The following HAUS6 variants were observed in gnomAD, a reference collection of about 807,000 sequenced individuals.
HAUS6 encodes the protein HAUS augmin like complex subunit 6.
HAUS6 carries 80 observed loss-of-function variants against 106.8 expected under a neutral mutation model. The observed-to-expected ratio is 0.75, with a 90% confidence interval of 0.63 to 0.90. The LOEUF is 0.90. Among genes scored for constraint, HAUS6 ranks in the 40% least tolerant of loss-of-function variants. The pLI is 0.00. For synonymous variants in HAUS6, 356 were observed against 379.1 expected, an observed-to-expected ratio of 0.94 and a Z score of 0.71; for missense variants, 1,155 against 1,118.1, an observed-to-expected ratio of 1.03 and a Z score of -0.47.
chr9:19,066,873 GGT>G (rs1348037361), intron 12 of HAUS6, among the ~76,000 whole-genome samples: 1 of 151,290 alleles, frequency 6.6e-6, no homozygotes, highest in Non-Finnish European at 1.5e-5. Context: ...TGGGTGTGGA[GGT>G]GCATGCCTGC....
intron 12 of HAUS6, chr9:19,065,052 T>G (rs1048386321): frequency 1.3e-5 from 2 of 152,252 alleles, no homozygotes; most frequent in Non-Finnish European, 2.9e-5. Flanking sequence ...TTTGATGGAT[T>G]GATGGAATCG....
intron 1 of HAUS6, among the ~76,000 whole-genome samples, chr9:19,098,738 T>C (rs199971210): frequency 6.8e-6 from 1 of 146,850 alleles, no homozygotes; most frequent in Non-Finnish European, 1.5e-5. Context: ...TTAAAAAAAG[T>C]GGAGCCGGGC....
intron 1 of HAUS6, among the ~76,000 whole-genome samples, chr9:19,100,472 T>C (rs894911580): frequency 1.1e-4 from 17 of 152,250 alleles, no homozygotes; most frequent in African/African-American, 3.6e-4. Context: ...GGAATGCTTG[T>C]ACTTTGTTGG....
At chr9:19,065,146 GAAC>G (rs1302299495) in intron 12 of HAUS6, 2 of 152,186 alleles carry the variant, frequency 1.3e-5, no homozygotes, top group African/African-American at 4.8e-5. Context: ...TTATAGCAGA[GAAC>G]AATGGAAACA....
At chr9:19,100,298 G>A (rs1817960732) in intron 1 of HAUS6, among the ~76,000 whole-genome samples, 1 of 152,230 alleles carries the variant, frequency 6.6e-6, no homozygotes, top group Admixed American at 6.5e-5. Flanking sequence ...CCCAGGAGAT[G>A]GAGGCTGCAG....
intron 2 of HAUS6, among the ~76,000 whole-genome samples, 179 bp from the exon 3 acceptor site, chr9:19,094,574 T>C (rs1186713366): frequency 6.6e-6 from 1 of 152,124 alleles, no homozygotes; most frequent in African/African-American, 2.4e-5. Flanking sequence ...GACAGATCAC[T>C]TGAGGCCAGG....
chr9:19,097,257 A>C (rs1374384025), intron 1 of HAUS6, among the ~76,000 whole-genome samples: 2 of 152,194 alleles, frequency 1.3e-5, no homozygotes, highest in East Asian at 1.9e-4. Context: ...AATGGGATCT[A>C]ATTAAACTAA....
At chr9:19,092,021 C>T (rs1446487219) in intron 4 of HAUS6, among the ~76,000 whole-genome samples, 1 of 152,040 alleles carries the variant, frequency 6.6e-6, no homozygotes, top group East Asian at 1.9e-4. Flanking sequence ...AATTTTCAAC[C>T]TCACTAATAA....
intron 11 of HAUS6, among the ~76,000 whole-genome samples, chr9:19,075,729 G>A (rs1285611624): frequency 1.3e-5 from 2 of 151,148 alleles, no homozygotes; most frequent in African/African-American, 4.9e-5. Flanking sequence ...CAAGGCGGGC[G>A]GATCATTCGA....
chr9:19,093,739 C>T (rs1817803703), intron 3 of HAUS6, among the ~76,000 whole-genome samples: 1 of 152,040 alleles, frequency 6.6e-6, no homozygotes, highest in African/African-American at 2.4e-5. Context: ...CATGGTAGTA[C>T]ATGGCTGTAA....
chr9:19,059,937 T>C (rs1429665525), intron 15 of HAUS6, 151 bp downstream of exon 15: 2 of 552,972 alleles, frequency 3.6e-6, no homozygotes, highest in Non-Finnish European at 6.4e-6. Flanking sequence ...TAAAAGACTG[T>C]TATGTGAGAA....
chr9:19,080,174 CA>C (rs746423003), intron 9 of HAUS6, among the ~76,000 whole-genome samples: 1,153 of 37,504 alleles, frequency 0.031, 2 homozygotes, highest in African/African-American at 0.073. Flanking sequence ...AACTCCGTCT[CA>C]AAAAAAAAAA....
chr9:19,064,823 A>T (rs1049417182), intron 12 of HAUS6, among the ~76,000 whole-genome samples: 1 of 152,232 alleles, frequency 6.6e-6, no homozygotes, highest in African/African-American at 2.4e-5. Context: ...AATATAATCC[A>T]GATATCAAAG....
rs1207707848 is a variant in HAUS6, at chr9:19,076,587, A to T, written c.1294+15T>A. ...AAGGAGGTTTCAAAGAGAAAAAAATAAATAAATAACCAACCTGGAAGTGAA... is the reference window on the plus strand; with the variant it reads ...AAGGAGGTTTCAAAGAGAAAAAAATTAATAAATAACCAACCTGGAAGTGAA... On this transcript the variant is annotated intron_variant, in intron 11 of 16. Coordinates refer to ENST00000380502, the MANE Select transcript of HAUS6 (RefSeq NM_017645.5). 1.6e-6 allele frequency: 2 copies of T among 1,220,218 alleles called. No homozygotes were observed. The highest frequency in any genetic ancestry group is 1.5e-5 in the African/African-American group (1 of 67,014). The allele number at this position is 1,220,218 out of a possible 1,614,324, so 75.6% of individuals were successfully genotyped here.
At chr9:19,082,431 A>G (rs1837176698) in intron 8 of HAUS6, among the ~76,000 whole-genome samples, 1 of 132,078 alleles carries the variant, frequency 7.6e-6, no homozygotes. Flanking sequence ...ACTCCTTATG[A>G]AAGTTTTACT....
At chr9:19,073,335 G>A (rs1296951015) in intron 11 of HAUS6, among the ~76,000 whole-genome samples, 1 of 151,826 alleles carries the variant, frequency 6.6e-6, no homozygotes, top group African/African-American at 2.4e-5. Flanking sequence ...GATGCAATAT[G>A]TAAGGTATAG....
intron 11 of HAUS6, chr9:19,073,983 C>T (rs914674340): frequency 1.3e-5 from 2 of 152,160 alleles, no homozygotes; most frequent in Non-Finnish European, 2.9e-5. Flanking sequence ...TACGGTGGCT[C>T]ACACCTGTAA....
chr9:19,102,749 G>C lies in HAUS6; in HGVS notation c.-98C>G, dbSNP rs1818019645. On this transcript the variant is annotated 5_prime_UTR_variant, in exon 1 of 17. Coordinates refer to ENST00000380502, the MANE Select transcript of HAUS6 (RefSeq NM_017645.5). Reference sequence around the variant, plus strand: ...CTCCCTACGGTCAGCCTGAGGTCGCGGTGGTCCTTCCATTGCCAACGCCTG... The same window carrying C: ...CTCCCTACGGTCAGCCTGAGGTCGCCGTGGTCCTTCCATTGCCAACGCCTG... The C allele has an allele frequency of 5.5e-6, 7 of 1,269,492 alleles. No homozygotes were observed. Among genetic ancestry groups the C allele is most frequent in the Non-Finnish European group, 7.6e-6 (7 of 923,820 alleles). The allele number at this position is 1,269,492 out of a possible 1,614,324, so 78.6% of individuals were successfully genotyped here.
Position 19,102,802 on chromosome 9 carries a change from C to T in HAUS6, c.-151G>A. On this transcript the variant is annotated 5_prime_UTR_variant, in exon 1 of 17. Transcript: ENST00000380502. ...CCTTTCACGCCCAGAGCGATTTCGC[C>T]TCAAAGGGCCTCACAACCTCCGGGA... The T allele has an allele frequency of 1.5e-6, 1 of 673,732 alleles. No individual in the cohort carries two copies. 41.7% of individuals were successfully genotyped at this position (673,732 alleles called of 1,614,324 possible). A position where few individuals can be genotyped will look rare whatever the true frequency, so the allele number is the denominator to read the frequency against.
Sources: allele counts gnomAD v4.1 joint callset (sites outside exome capture counted in the v4.1 genomes callset), GRCh38; gene constraint gnomAD v4.1.1; transcripts MANE v1.5; gene names NCBI Gene and HGNC (gene_info 2026-07-23, HGNC 2026-07-21).